AGPS: variants seen among roughly 807,000 people sequenced by gnomAD.
The protein encoded by AGPS is alkyldihydroxyacetonephosphate synthase, peroxisomal.
A neutral mutation model predicts 90.7 loss-of-function variants in AGPS; 26 were observed. The ratio of observed to expected loss-of-function variants is 0.29; its 90% CI spans 0.21 to 0.40. The LOEUF is 0.40. Among genes scored for constraint, AGPS ranks in the 10% least tolerant of loss-of-function variants. The probability of loss-of-function intolerance (pLI) is 1.00; values close to 1 mark genes in which losing one functional copy is unlikely to be tolerated. For missense variants in AGPS, 540 were observed against 816.1 expected, an observed-to-expected ratio of 0.66 and a Z score of 4.12; for synonymous variants, 294 against 285.3, an observed-to-expected ratio of 1.03 and a Z score of -0.31.
chr2:177,409,570 C>T (rs1265241948), intron 1 of AGPS, among the ~76,000 whole-genome samples: 1 of 152,092 alleles, frequency 6.6e-6, no homozygotes, highest in Non-Finnish European at 1.5e-5. Context: ...AGTCTTGTCT[C>T]TCAGTCTCGG....
At chr2:177,404,890 A>C (rs1685423838) in intron 1 of AGPS, among the ~76,000 whole-genome samples, 1 of 152,336 alleles carries the variant, frequency 6.6e-6, no homozygotes, top group Non-Finnish European at 1.5e-5. Flanking sequence ...GATTTTATAC[A>C]ATTGGTAACT....
intron 3 of AGPS, among the ~76,000 whole-genome samples, chr2:177,435,876 T>C (rs1261789343): frequency 6.6e-6 from 1 of 152,154 alleles, no homozygotes; most frequent in Non-Finnish European, 1.5e-5. Flanking sequence ...CCTGCCTTCC[T>C]TATAGTAGCA....
intron 8 of AGPS, among the ~76,000 whole-genome samples, chr2:177,460,973 T>C (rs986031188): frequency 6.6e-6 from 1 of 152,244 alleles, no homozygotes; most frequent in African/African-American, 2.4e-5. Flanking sequence ...ATATTTTGGA[T>C]TACAACTTTC....
chr2:177,425,629 A>AG (rs1686059592), intron 2 of AGPS, among the ~76,000 whole-genome samples: 1 of 143,764 alleles, frequency 7.0e-6, no homozygotes, highest in South Asian at 2.1e-4. Context: ...CTAGAAAAAA[A>AG]AAAAAAAAAA....
rs74786735 is a variant in AGPS at position 177,486,425 on chromosome 2, A to T, written c.1233+4239A>T. On this transcript the variant is annotated intron_variant, in intron 11 of 19. Coordinates refer to ENST00000264167, the MANE Select transcript of AGPS (RefSeq NM_003659.4). ...TGCCTTCCTTTGTAATAGTGTTTTC[A>T]GGCAGAAAAATTGAAAAAATCAGGT... Among the ~76,000 whole-genome samples the T allele has an allele frequency of 6.8e-3, 1,032 of 152,240 alleles. 11 individuals carry two copies. Among genetic ancestry groups the T allele is most frequent in the African/African-American group, 0.024 (980 of 41,560 alleles).
At chr2:177,533,085 T>G (rs369461507) in intron 19 of AGPS, among the ~76,000 whole-genome samples, 1 of 152,230 alleles carries the variant, frequency 6.6e-6, no homozygotes, top group Non-Finnish European at 1.5e-5. Flanking sequence ...CAGATGAGTT[T>G]AGCCTTTCCA....
intron 8 of AGPS, among the ~76,000 whole-genome samples, chr2:177,454,974 A>G (rs1220949806): frequency 2.6e-5 from 4 of 151,734 alleles, no homozygotes; most frequent in African/African-American, 9.7e-5. Flanking sequence ...GGTGGCAGAT[A>G]TCATGAAAAT....
chr2:177,444,900 C>T (rs1012210628), intron 7 of AGPS, among the ~76,000 whole-genome samples: 7 of 152,096 alleles, frequency 4.6e-5, no homozygotes, highest in Middle Eastern at 3.2e-3. Context: ...GGCAGTCATA[C>T]GTTTGGTAAG....
intron 2 of AGPS, among the ~76,000 whole-genome samples, chr2:177,431,958 C>T (rs1295484139): frequency 6.6e-6 from 1 of 152,188 alleles, no homozygotes; most frequent in Non-Finnish European, 1.5e-5. Flanking sequence ...ATTTTGGGAA[C>T]TGATAAATGA....
chr2:177,450,122 C>A (rs187554111), intron 8 of AGPS, among the ~76,000 whole-genome samples: 1 of 152,248 alleles, frequency 6.6e-6, no homozygotes, highest in African/African-American at 2.4e-5. Flanking sequence ...CAGGTGTCAG[C>A]CACCACGCCC....
In AGPS at chr2:177,422,164, C is replaced by A. The variant is rs568415539; in HGVS notation, c.350+1806C>A. 7.6e-4 allele frequency among the ~76,000 whole-genome samples: 115 copies of A among 152,032 alleles called. 1 individual carries two copies. The highest frequency in any genetic ancestry group is 1.2e-3 in the Non-Finnish European group (81 of 67,988). On this transcript the variant is annotated intron_variant, in intron 2 of 19. Transcript: ENST00000264167. Reference sequence around the variant, plus strand: ...AGGCTGTAGGGGTCTGACACACATGCCACACTTCTAAGAAACTGATTTAAA... The same window carrying A: ...AGGCTGTAGGGGTCTGACACACATGACACACTTCTAAGAAACTGATTTAAA...
intron 12 of AGPS, among the ~76,000 whole-genome samples, chr2:177,494,462 A>C (rs761415268): frequency 5.3e-5 from 8 of 152,236 alleles, no homozygotes; most frequent in Non-Finnish European, 1.0e-4. Context: ...TCTAGGTCTT[A>C]AAGAGAGCCA....
At chr2:177,453,561 C>T (rs150991745) in intron 8 of AGPS, among the ~76,000 whole-genome samples, 1 of 151,844 alleles carries the variant, frequency 6.6e-6, no homozygotes, top group Non-Finnish European at 1.5e-5. Flanking sequence ...TGAGCCACCA[C>T]AGCCAGCCTA....
At chr2:177,486,889 G>T (rs1688110046) in intron 11 of AGPS, among the ~76,000 whole-genome samples, 1 of 151,586 alleles carries the variant, frequency 6.6e-6, no homozygotes, top group East Asian at 2.0e-4. Flanking sequence ...TAGAAAGGAG[G>T]ATTTAGTGGA....
rs763980959 is a variant in AGPS, at chr2:177,411,539, A to G, written c.261-8730A>G. Among the ~76,000 whole-genome samples the G allele has an allele frequency of 5.5e-4, 83 of 152,186 alleles. 3 individuals carry two copies. The highest frequency in any genetic ancestry group is 5.2e-3 in the Admixed American group (79 of 15,282). ...TTCTTTCCTCTGTTGTCATCCTATC[A>G]TTGACCTGACTGAGATACCAGAGAT... On this transcript the variant is annotated intron_variant, in intron 1 of 19. Coordinates refer to ENST00000264167, the MANE Select transcript of AGPS (RefSeq NM_003659.4).
At chr2:177,466,488 G>T (rs1001632036) in intron 9 of AGPS, among the ~76,000 whole-genome samples, 3 of 152,302 alleles carry the variant, frequency 2.0e-5, no homozygotes, top group East Asian at 1.9e-4. Flanking sequence ...GCCCATTTCC[G>T]CCCAGGAGCC....
intron 1 of AGPS, among the ~76,000 whole-genome samples, chr2:177,394,036 G>C (rs1685099050): frequency 6.6e-6 from 1 of 152,176 alleles, no homozygotes; most frequent in South Asian, 2.1e-4. Context: ...AAGTCTGCTG[G>C]AGTCTTAGCA....
At chr2:177,404,925 T>C (rs1685424774) in intron 1 of AGPS, among the ~76,000 whole-genome samples, 1 of 152,338 alleles carries the variant, frequency 6.6e-6, no homozygotes, top group Admixed American at 6.5e-5. Context: ...TATTTTGGTA[T>C]GTATACTAAT....
chr2:177,466,904 G>T (rs1012996777), intron 9 of AGPS, among the ~76,000 whole-genome samples: 2 of 152,122 alleles, frequency 1.3e-5, no homozygotes, highest in African/African-American at 4.8e-5. Flanking sequence ...GGATTCCTGC[G>T]TGCTTCCGGC....
Sources: allele counts gnomAD v4.1 joint callset (sites outside exome capture counted in the v4.1 genomes callset), GRCh38; gene constraint gnomAD v4.1.1; transcripts MANE v1.5; gene names NCBI Gene and HGNC (gene_info 2026-07-23, HGNC 2026-07-21).